Variants in INTS6 observed in about 807,000 individuals in gnomAD.
INTS6 encodes the protein integrator complex subunit 6.
INTS6 carries 16 observed loss-of-function variants against 104.9 expected under a neutral mutation model. The observed-to-expected ratio is 0.15, with a 90% CI of 0.10 to 0.23. The LOEUF (loss-of-function observed/expected upper bound fraction) is 0.23. INTS6 is among the 10% of genes least tolerant of loss of function. INTS6 has a pLI of 1.00. For synonymous variants in INTS6, 324 were observed against 358.7 expected (o/e 0.90, Z 1.09); for missense variants, 584 against 1,062.8 (o/e 0.55, Z 6.26).
chr13:51,445,648 A>G (rs1381328480), intron 3 of INTS6: 1 of 152,260 alleles, frequency 6.6e-6, no homozygotes, highest in Non-Finnish European at 1.5e-5. Context: ...ATGTTACATA[A>G]TAATTCAATG....
chr13:51,372,671 AC>A (rs1566206696), intron 15 of INTS6, among the ~76,000 whole-genome samples: 2 of 151,936 alleles, frequency 1.3e-5, no homozygotes, highest in East Asian at 3.9e-4. Context: ...TTCTTCTTCC[AC>A]CCACCCAGTG....
At chr13:51,394,138 A>G (rs1200233105) in intron 5 of INTS6, among the ~76,000 whole-genome samples, 1 of 152,172 alleles carries the variant, frequency 6.6e-6, no homozygotes, top group African/African-American at 2.4e-5. Context: ...TACGACTGTC[A>G]CTGAAAAATA....
chr13:51,373,288 T>C (rs1234812937), intron 15 of INTS6, among the ~76,000 whole-genome samples: 1 of 152,252 alleles, frequency 6.6e-6, no homozygotes, highest in Admixed American at 6.5e-5. Flanking sequence ...TCCCTTCAGT[T>C]AACATGCTGT....
chr13:51,376,329 C>T lies in INTS6; in HGVS notation c.1603-155G>A, dbSNP rs9563048. 1.6e-3 allele frequency among the ~76,000 whole-genome samples: 244 copies of T among 152,116 alleles called. 3 individuals are homozygous for T. The East Asian group carries it at 0.033, about 20-fold the overall frequency. On this transcript the variant is annotated intron_variant, in intron 12 of 17. Transcript: ENST00000311234. ...AGACATATGATATAATCTTAATGTACCGGTTCAGGGCCAAAAGATGAAAAT... is the reference window on the plus strand; with the variant it reads ...AGACATATGATATAATCTTAATGTATCGGTTCAGGGCCAAAAGATGAAAAT...
intron 3 of INTS6, among the ~76,000 whole-genome samples, chr13:51,432,051 A>C (rs1260197696): frequency 6.6e-6 from 1 of 152,086 alleles, no homozygotes; most frequent in Admixed American, 6.6e-5. Context: ...CTAAAGTAGA[A>C]TGCTTTTCCT....
intron 11 of INTS6, 57 bp downstream of exon 11, chr13:51,379,405 C>T (rs2274061): frequency 0.21 from 196,867 of 936,508 alleles, 21,691 homozygotes; most frequent in South Asian, 0.32. Context: ...CCTGTTTAAC[C>T]ATCCTAGCCA....
Position 51,416,111 on chromosome 13 carries a change from G to A in INTS6, c.429+14183C>T, listed in dbSNP as rs74882418. 9.0e-3 allele frequency among the ~76,000 whole-genome samples: 1,365 copies of A among 152,268 alleles called. 16 individuals carry two copies. Among genetic ancestry groups the A allele is most frequent in the Non-Finnish European group, 0.011 (758 of 68,008 alleles). On this transcript the variant is annotated intron_variant, in intron 4 of 17. Coordinates refer to ENST00000311234, the MANE Select transcript of INTS6 (RefSeq NM_012141.3). Reference sequence around the variant, plus strand: ...ATTAGTGATCTTATTAACAAAGGTAGAATCAAAAGTCAGACTGTAATAGAT... The same window carrying A: ...ATTAGTGATCTTATTAACAAAGGTAAAATCAAAAGTCAGACTGTAATAGAT...
chr13:51,382,203 TA>T, intron 9 of INTS6, 80 bp from the exon 10 acceptor site: 2 of 730,672 alleles, frequency 2.7e-6, no homozygotes, highest in South Asian at 4.1e-5. Flanking sequence ...GTTTCCTTTT[TA>T]AAGTCTGCTT....
At chr13:51,355,232 A>T in intron 3 of INTS6, 17 of 515,118 alleles carry the variant, frequency 3.3e-5, no homozygotes, top group South Asian at 1.1e-4. Context: ...TTTCAGAGTC[A>T]ACATTATGTA....
At chr13:51,419,186 G>C (rs1221735837) in intron 4 of INTS6, among the ~76,000 whole-genome samples, 1 of 152,150 alleles carries the variant, frequency 6.6e-6, no homozygotes, top group African/African-American at 2.4e-5. Context: ...TTATGAGGAA[G>C]TGAAAACAGA....
chr13:51,374,804 AAAG>A lies in INTS6; in HGVS notation c.1730-11_1730-9del. ...GAACACTGTGCACTTGATCTTTCAA[AAAG>A]AATACAACAGCAAAAAAAGTTAACC... On this transcript the variant is annotated splice_polypyrimidine_tract_variant and intron_variant, in intron 13 of 17. Coordinates refer to ENST00000311234, the MANE Select transcript of INTS6 (RefSeq NM_012141.3). 1 of 1,610,776 alleles carries A rather than the reference AAAG, an allele frequency of 6.2e-7. No homozygotes were observed. Among genetic ancestry groups the A allele is most frequent in the South Asian group, 1.1e-5 (1 of 90,190 alleles).
chr13:51,448,208 G>A (rs1329598346), intron 3 of INTS6: 1 of 152,102 alleles, frequency 6.6e-6, no homozygotes, highest in African/African-American at 2.4e-5. Flanking sequence ...ACTTTCAGCA[G>A]GTCTCAAAGG....
At chr13:51,378,133 C>T in intron 12 of INTS6, 106 bp downstream of exon 12, 1 of 806,812 alleles carries the variant, frequency 1.2e-6, no homozygotes. Flanking sequence ...TACAGAAGTA[C>T]TCTTTAAAGT....
At chr13:51,347,364 G>A in the INTS6 span, 20 of 761,582 alleles carry the variant, frequency 2.6e-5, no homozygotes, top group African/African-American at 3.0e-4. Context: ...GCTGGACTGG[G>A]CATGCATGGC....
downstream of INTS6, among the ~76,000 whole-genome samples, chr13:51,351,997 G>A (rs1194143597): frequency 6.6e-6 from 1 of 152,054 alleles, no homozygotes; most frequent in Non-Finnish European, 1.5e-5. Context: ...TATAGGCATA[G>A]ATATTTGTAT....
chr13:51,351,343 A>C (rs546148201), downstream of INTS6, among the ~76,000 whole-genome samples: 41 of 152,228 alleles, frequency 2.7e-4, no homozygotes, highest in South Asian at 3.3e-3. Context: ...TAGCCATTCT[A>C]GTTGGTGTGA....
intron 9 of INTS6, 110 bp downstream of exon 9, chr13:51,383,219 A>G (rs1956085135): frequency 1.1e-6 from 1 of 913,934 alleles, no homozygotes; most frequent in Non-Finnish European, 1.6e-6. Context: ...ATTTTAGAAT[A>G]TTCAAAATAT....
chr13:51,425,755 C>CTAATTA (rs199551867), intron 4 of INTS6, among the ~76,000 whole-genome samples: 1,724 of 152,102 alleles, frequency 0.011, 25 homozygotes, highest in East Asian at 0.071. Flanking sequence ...TTCAATAACT[C>CTAATTA]TAATTTGTTG....
chr13:51,393,370 G>A (rs1448282413), intron 5 of INTS6, among the ~76,000 whole-genome samples: 4 of 152,106 alleles, frequency 2.6e-5, no homozygotes, highest in Admixed American at 6.5e-5. Flanking sequence ...GAGCCACCGC[G>A]CCCGGCCAAC....
Sources: gnomAD v4.1 joint callset for allele counts (sites outside exome capture counted in the v4.1 genomes callset) on GRCh38, gnomAD v4.1.1 for gene constraint, MANE v1.5 for transcripts, NCBI Gene and HGNC (gene_info 2026-07-23, HGNC 2026-07-21) for gene names.